Variants in RDH10 observed in about 807,000 individuals in gnomAD.
The protein encoded by RDH10 is retinol dehydrogenase 10 (all-trans).
Under a neutral mutation model 30.2 loss-of-function variants are expected in RDH10, and 12 were observed. The ratio of observed to expected loss-of-function variants is 0.40; its 90% confidence interval spans 0.25 to 0.64. RDH10 has a LOEUF of 0.64. Among genes scored for constraint, RDH10 ranks in the 30% least tolerant of loss-of-function variants. The probability of loss-of-function intolerance (pLI) is 0.43; values close to 1 mark genes in which losing one functional copy is unlikely to be tolerated. For missense variants in RDH10, 268 were observed against 445.2 expected, an observed-to-expected ratio of 0.60 and a Z score of 3.58; for synonymous variants, 189 against 172.2, an observed-to-expected ratio of 1.10 and a Z score of -0.76.
chr8:73,297,881 A>C, intron 2 of RDH10: 1 of 192,918 alleles, frequency 5.2e-6, no homozygotes, highest in Non-Finnish European at 1.1e-5. Context: ...TGCCCAGGCC[A>C]CCCTGGCAGT....
At chr8:73,318,445 G>A (rs1305648000) in intron 2 of RDH10, among the ~76,000 whole-genome samples, 1 of 152,212 alleles carries the variant, frequency 6.6e-6, no homozygotes, top group Admixed American at 6.5e-5. Context: ...ACCCATGTTG[G>A]AATGTGACTG....
intron 2 of RDH10, among the ~76,000 whole-genome samples, chr8:73,301,979 G>A (rs1254602047): frequency 6.6e-6 from 1 of 152,208 alleles, no homozygotes. Context: ...TGGTATGCCA[G>A]TTTGAATGAA....
chr8:73,307,031 G>T (rs763219890), intron 2 of RDH10, among the ~76,000 whole-genome samples: 2 of 152,208 alleles, frequency 1.3e-5, no homozygotes, highest in African/African-American at 2.4e-5. Context: ...TAGTCCTGCA[G>T]TCTCTTGGGA....
intron 2 of RDH10, among the ~76,000 whole-genome samples, chr8:73,315,246 T>C (rs1464746263): frequency 7.8e-5 from 9 of 115,504 alleles, no homozygotes; most frequent in African/African-American, 1.3e-4. Context: ...TCTCTCTCTC[T>C]CCCCCCACCG....
chr8:73,314,986 A>G (rs1314573563), intron 2 of RDH10, among the ~76,000 whole-genome samples: 3 of 152,344 alleles, frequency 2.0e-5, no homozygotes, highest in East Asian at 1.9e-4. Flanking sequence ...AGAAAGCTTC[A>G]TATTACAACC....
chr8:73,295,513 A>C lies in RDH10; in HGVS notation c.224A>C (p.Glu75Ala). Residue 75 changes from glutamate (E) to alanine (A), a missense_variant, in exon 1 of 6, where the codon GAG (glutamate) becomes GCG (alanine). Transcript: ENST00000240285. ...LWDINTQSNE[E>A]TAGMVRHIYR... ...GACATCAACACGCAAAGCAACGAGG[A>C]GACGGCTGGCATGGTGCGCCACATC... The C allele has an allele frequency of 1.3e-6, 2 of 1,556,484 alleles. No individual in the cohort carries two copies. The highest frequency in any genetic ancestry group is 1.7e-6 in the Non-Finnish European group (2 of 1,151,562).
chr8:73,304,084 C>A (rs1384692216), intron 2 of RDH10, among the ~76,000 whole-genome samples: 1 of 152,178 alleles, frequency 6.6e-6, no homozygotes, highest in African/African-American at 2.4e-5. Flanking sequence ...CCCTCTTGAC[C>A]GTCTCCTTGA....
At chr8:73,322,189 C>T (rs1814783573) in intron 4 of RDH10, 1 of 355,528 alleles carries the variant, frequency 2.8e-6, no homozygotes, top group African/African-American at 2.1e-5. Context: ...ATATACCCTT[C>T]ATTTCAGGGG....
intron 1 of RDH10, 135 bp from the exon 2 acceptor site, chr8:73,297,059 C>A: frequency 1.5e-6 from 1 of 650,406 alleles, no homozygotes; most frequent in East Asian, 2.7e-5. Flanking sequence ...GCAAGCCTTG[C>A]AGCGTTAGAA....
intron 1 of RDH10, among the ~76,000 whole-genome samples, chr8:73,296,498 T>G (rs1385140916): frequency 1.3e-5 from 2 of 152,134 alleles, no homozygotes; most frequent in Non-Finnish European, 2.9e-5. Flanking sequence ...AAATACAGAT[T>G]TTTGTGCTCC....
At chr8:73,304,285 C>T (rs772151405) in intron 2 of RDH10, among the ~76,000 whole-genome samples, 1 of 152,208 alleles carries the variant, frequency 6.6e-6, no homozygotes, top group Non-Finnish European at 1.5e-5. Flanking sequence ...ACCTCTCCAG[C>T]CTGCGTACAT....
At chr8:73,306,150 A>G (rs1171260111) in intron 2 of RDH10, among the ~76,000 whole-genome samples, 1 of 152,238 alleles carries the variant, frequency 6.6e-6, no homozygotes, top group Non-Finnish European at 1.5e-5. Flanking sequence ...TTCTGTTAAG[A>G]TACCATTGTT....
At chr8:73,319,457 C>G (rs1167865535) in intron 3 of RDH10, among the ~76,000 whole-genome samples, 1 of 152,146 alleles carries the variant, frequency 6.6e-6, no homozygotes, top group Non-Finnish European at 1.5e-5. Context: ...CCCAGGTGTT[C>G]AAGACTGCAG....
intron 2 of RDH10, among the ~76,000 whole-genome samples, chr8:73,313,918 T>A (rs1814617178): frequency 6.6e-6 from 1 of 152,226 alleles, no homozygotes; most frequent in South Asian, 2.1e-4. Flanking sequence ...CTATCCATCC[T>A]TATACTTGAT....
chr8:73,321,216 G>A (rs1814765525), intron 4 of RDH10, 139 bp downstream of exon 4: 1 of 815,538 alleles, frequency 1.2e-6, no homozygotes, highest in Non-Finnish European at 1.9e-6. Context: ...TGTAAAGTTT[G>A]TAAAATTGGT....
intron 3 of RDH10, among the ~76,000 whole-genome samples, chr8:73,320,445 T>TTTTTTG (rs1212769266): frequency 9.6e-5 from 14 of 146,350 alleles, no homozygotes; most frequent in East Asian, 2.0e-4. Context: ...TTTGTGTTTT[T>TTTTTTG]TTTTTGTTTT....
chr8:73,319,416 T>G (rs1010444955), intron 3 of RDH10, among the ~76,000 whole-genome samples: 1 of 152,136 alleles, frequency 6.6e-6, no homozygotes, highest in Non-Finnish European at 1.5e-5. Context: ...TCCTAGCTAC[T>G]TGAGAGGCTG....
intron 2 of RDH10, chr8:73,311,392 G>GCC (rs1814561710): frequency 6.6e-6 from 1 of 152,206 alleles, no homozygotes; most frequent in Non-Finnish European, 1.5e-5. Context: ...TAATATCTGA[G>GCC]TTGCTGCCTT....
intron 3 of RDH10, among the ~76,000 whole-genome samples, chr8:73,319,811 A>C (rs763737209): frequency 6.6e-6 from 1 of 152,232 alleles, no homozygotes; most frequent in Non-Finnish European, 1.5e-5. Flanking sequence ...TGAGGCGGTC[A>C]GGTATCCTGC....
Sources: allele counts gnomAD v4.1 joint callset (sites outside exome capture counted in the v4.1 genomes callset), GRCh38; gene constraint gnomAD v4.1.1; transcripts MANE v1.5; gene names NCBI Gene and HGNC (gene_info 2026-07-23, HGNC 2026-07-21).